SLC39A11: variants seen among roughly 807,000 people sequenced by gnomAD.
SLC39A11 encodes the protein solute carrier family 39 member 11.
SLC39A11 carries 33 observed loss-of-function variants against 36.1 expected under a neutral mutation model. The ratio of observed to expected loss-of-function variants is 0.91; its 90% CI spans 0.69 to 1.22. The LOEUF (loss-of-function observed/expected upper bound fraction) is 1.22. Among genes scored for constraint, SLC39A11 ranks in the 50% most tolerant of loss-of-function variants. The pLI is 0.00. For synonymous variants in SLC39A11, 166 were observed against 170.3 expected (o/e 0.97, Z 0.20); for missense variants, 432 against 430.3 (o/e 1.00, Z -0.03).
chr17:73,040,988 A>AAAAAAAAC (rs1555690025), intron 3 of SLC39A11, among the ~76,000 whole-genome samples: 76 of 132,176 alleles, frequency 5.7e-4, no homozygotes, highest in Middle Eastern at 7.5e-3. Context: ...CCATCTCAAA[A>AAAAAAAAC]AAAAAACAAA....
intron 3 of SLC39A11, among the ~76,000 whole-genome samples, chr17:73,082,081 A>G (rs2060555573): frequency 6.7e-6 from 1 of 149,248 alleles, no homozygotes; most frequent in Admixed American, 6.7e-5. Flanking sequence ...CCTTTTAACC[A>G]AACATCACCT....
At chr17:72,916,741 T>A (rs72850912) in intron 5 of SLC39A11, among the ~76,000 whole-genome samples, 1 of 152,042 alleles carries the variant, frequency 6.6e-6, no homozygotes, top group Non-Finnish European at 1.5e-5. Flanking sequence ...ATATATACCC[T>A]ATTCCTCTTT....
rs2074113362 is a variant in SLC39A11 at position 72,729,445 on chromosome 17, ATATATATATATATTTTTTTTTTT to A, written c.671+7182_671+7204del. 6.3e-4 allele frequency among the ~76,000 whole-genome samples: 2 copies of A among 3,162 alleles called. 1 individual carries two copies. The highest frequency in any genetic ancestry group is 2.6e-3 in the African/African-American group (2 of 762). 2.1% of individuals were successfully genotyped at this position (3,162 alleles called of 152,430 possible). ...TATATATATATATATATATATATATATATATATATATATTTTTTTTTTTTTTTTTTTTTGTAGAGACAGGGTTT... is the reference window on the plus strand; with the variant it reads ...TATATATATATATATATATATATATATTTTTTTTTTGTAGAGACAGGGTTT... On this transcript the variant is annotated intron_variant, in intron 7 of 9. Coordinates refer to ENST00000255559, the MANE Select transcript of SLC39A11 (RefSeq NM_139177.4).
chr17:72,997,200 G>A lies in SLC39A11; in HGVS notation c.306+34356C>T, dbSNP rs146621072. Among the ~76,000 whole-genome samples the A allele has an allele frequency of 1.6e-3, 239 of 152,148 alleles. 1 individual carries two copies. The highest frequency in any genetic ancestry group is 5.4e-3 in the African/African-American group (226 of 41,516). ...TAGTTAACGAATGCATACACTTTGT[G>A]CCACAGCAACAATGAACGAGCCGGC... is the stretch of plus-strand genomic sequence containing the variant. On this transcript the variant is annotated intron_variant, in intron 4 of 9. Coordinates refer to ENST00000255559, the MANE Select transcript of SLC39A11 (RefSeq NM_139177.4).
rs538436461 is a variant in SLC39A11, at chr17:72,787,479, G to A, written c.602-50760C>T. On this transcript the variant is annotated intron_variant, in intron 6 of 9. Coordinates refer to ENST00000255559, the MANE Select transcript of SLC39A11 (RefSeq NM_139177.4). ...TCACCGTGTTAGCCAAGATTGTCTC[G>A]ATCTCCTGACCTCATGATCCGCCTG... Among the ~76,000 whole-genome samples the A allele has an allele frequency of 1.3e-4, 19 of 151,452 alleles. 1 individual carries two copies. In the South Asian group the frequency reaches 2.7e-3, roughly 22 times the overall value.
chr17:72,859,343 G>C lies in SLC39A11; in HGVS notation c.431-9539C>G, dbSNP rs555066341. Among the ~76,000 whole-genome samples the C allele has an allele frequency of 3.8e-5, 4 of 104,286 alleles. No individual in the cohort carries two copies. In the East Asian group the frequency reaches 1.5e-3, roughly 40 times the overall value. 68.4% of individuals were successfully genotyped at this position (104,286 alleles called of 152,430 possible). ...TTCAGATAAAACCAAGATTGTTTTAGTGTAAGTATTCCCACATATTGCATG... is the reference window on the plus strand; with the variant it reads ...TTCAGATAAAACCAAGATTGTTTTACTGTAAGTATTCCCACATATTGCATG... On this transcript the variant is annotated intron_variant, in intron 5 of 9. Transcript: ENST00000255559.
intron 3 of SLC39A11, among the ~76,000 whole-genome samples, chr17:73,069,098 T>G (rs1461526505): frequency 6.6e-6 from 1 of 152,158 alleles, no homozygotes; most frequent in African/African-American, 2.4e-5. Flanking sequence ...CTGTTCCCTC[T>G]GCCTGTAACG....
chr17:72,876,019 G>A (rs1340752454), intron 5 of SLC39A11, among the ~76,000 whole-genome samples: 1 of 152,172 alleles, frequency 6.6e-6, no homozygotes, highest in Non-Finnish European at 1.5e-5. Flanking sequence ...TAATCTAAAT[G>A]TAATTAAAAG....
intron 7 of SLC39A11, among the ~76,000 whole-genome samples, chr17:72,714,957 T>A (rs888468446): frequency 6.6e-6 from 1 of 152,206 alleles, no homozygotes; most frequent in East Asian, 1.9e-4. Flanking sequence ...CACGTACATA[T>A]TCAAAACCAC....
chr17:72,672,904 T>G (rs1422256042), intron 7 of SLC39A11, among the ~76,000 whole-genome samples: 1 of 151,920 alleles, frequency 6.6e-6, no homozygotes, highest in Admixed American at 6.6e-5. Context: ...CCACCACGCC[T>G]AACCCTGCTT....
intron 7 of SLC39A11, among the ~76,000 whole-genome samples, chr17:72,735,930 G>A (rs942677039): frequency 2.0e-5 from 3 of 152,202 alleles, no homozygotes; most frequent in Non-Finnish European, 4.4e-5. Context: ...GGGAAAACGC[G>A]GCATTGAGAG....
chr17:72,894,668 T>TGA (rs758642723), intron 5 of SLC39A11, among the ~76,000 whole-genome samples: 1 of 43,744 alleles, frequency 2.3e-5, no homozygotes, highest in Non-Finnish European at 3.9e-5. Flanking sequence ...AGACCCTGTC[T>TGA]CAAAAAAAAA....
At chr17:72,736,215 T>A (rs9898237) in intron 7 of SLC39A11, among the ~76,000 whole-genome samples, 6,539 of 151,902 alleles carry the variant, frequency 0.043, 190 homozygotes, top group African/African-American at 0.087. Flanking sequence ...GGCCATAGGA[T>A]GACAAGCCCA....
At chr17:73,031,225 C>G (rs994852281) in intron 4 of SLC39A11, among the ~76,000 whole-genome samples, 1 of 130,664 alleles carries the variant, frequency 7.7e-6, no homozygotes, top group Admixed American at 7.5e-5. Context: ...TGATGTCATA[C>G]TCTCAATAAA....
intron 6 of SLC39A11, among the ~76,000 whole-genome samples, chr17:72,824,146 C>G (rs570176250): frequency 2.0e-5 from 3 of 151,238 alleles, no homozygotes; most frequent in Non-Finnish European, 4.4e-5. Context: ...AGGAGGGGCC[C>G]GGTGGGAGGT....
At chr17:72,942,705 T>C (rs1288933074) in intron 5 of SLC39A11, among the ~76,000 whole-genome samples, 1 of 152,222 alleles carries the variant, frequency 6.6e-6, no homozygotes, top group Non-Finnish European at 1.5e-5. Context: ...GCTTAGGCTA[T>C]TCCAAGCAGT....
At chr17:72,704,468 T>A (rs1242708933) in intron 7 of SLC39A11, among the ~76,000 whole-genome samples, 1 of 152,176 alleles carries the variant, frequency 6.6e-6, no homozygotes, top group South Asian at 2.1e-4. Flanking sequence ...CTAGATTCAC[T>A]GGTCCTAAGG....
intron 3 of SLC39A11, among the ~76,000 whole-genome samples, chr17:73,073,049 A>G (rs990853885): frequency 3.9e-5 from 6 of 152,166 alleles, no homozygotes; most frequent in Admixed American, 3.9e-4. Flanking sequence ...ACGTGGTGGC[A>G]GGCGTCTGTA....
At chr17:73,056,327 C>T (rs572470119) in intron 3 of SLC39A11, among the ~76,000 whole-genome samples, 5 of 152,262 alleles carry the variant, frequency 3.3e-5, no homozygotes, top group African/African-American at 9.6e-5. Context: ...ATCCACCATG[C>T]CTAGCTAATT....
Sources: gnomAD v4.1 joint callset for allele counts (sites outside exome capture counted in the v4.1 genomes callset) on GRCh38, gnomAD v4.1.1 for gene constraint, MANE v1.5 for transcripts, NCBI Gene and HGNC (gene_info 2026-07-23, HGNC 2026-07-21) for gene names.